The following MACROD2 variants were observed in gnomAD, a reference collection of about 807,000 sequenced individuals.
MACROD2 encodes mono-ADP ribosylhydrolase 2.
Under a neutral mutation model 70.4 loss-of-function variants are expected in MACROD2, and 36 were observed. The ratio of observed to expected loss-of-function variants is 0.51; its 90% CI spans 0.39 to 0.68. MACROD2 has a LOEUF of 0.68. Among genes scored for constraint, MACROD2 ranks in the 30% least tolerant of loss-of-function variants. The pLI is 0.00. For missense variants in MACROD2, 496 were observed against 538.4 expected, an observed-to-expected ratio of 0.92 and a Z score of 0.78; for synonymous variants, 172 against 178.8, an observed-to-expected ratio of 0.96 and a Z score of 0.30.
At chr20:14,457,281 G>A (rs911698366) in intron 3 of MACROD2, among the ~76,000 whole-genome samples, 2 of 151,944 alleles carry the variant, frequency 1.3e-5, no homozygotes, top group South Asian at 2.1e-4. Flanking sequence ...AATGATGATC[G>A]CTTTATTAAT....
chr20:14,825,152 T>C (rs1181476276), intron 5 of MACROD2, among the ~76,000 whole-genome samples: 1 of 152,092 alleles, frequency 6.6e-6, no homozygotes, highest in African/African-American at 2.4e-5. Flanking sequence ...AATAAAAGAC[T>C]TACCACCCGA....
chr20:15,727,125 C>T (rs2050875133), intron 8 of MACROD2, among the ~76,000 whole-genome samples: 1 of 152,020 alleles, frequency 6.6e-6, no homozygotes, highest in Admixed American at 6.6e-5. Context: ...TTTGTATATG[C>T]TATAAGGAAG....
intron 5 of MACROD2, among the ~76,000 whole-genome samples, chr20:14,759,424 A>AT (rs1315486873): frequency 6.6e-6 from 1 of 152,096 alleles, no homozygotes; most frequent in Non-Finnish European, 1.5e-5. Flanking sequence ...GCATAACAAT[A>AT]TCACATTATG....
chr20:15,388,639 C>A (rs898913010), intron 6 of MACROD2, among the ~76,000 whole-genome samples: 5 of 152,040 alleles, frequency 3.3e-5, no homozygotes, highest in African/African-American at 9.7e-5. Context: ...CCCTAATTAC[C>A]AAGCACCAGA....
chr20:14,132,161 T>TCAG (rs2054727530), intron 3 of MACROD2, among the ~76,000 whole-genome samples: 3 of 142,086 alleles, frequency 2.1e-5, no homozygotes, highest in Admixed American at 7.0e-5. Context: ...TTCTCCCACC[T>TCAG]CAGCCTCCAG....
intron 6 of MACROD2, among the ~76,000 whole-genome samples, chr20:15,388,818 G>A (rs937714688): frequency 5.3e-5 from 8 of 152,278 alleles, no homozygotes; most frequent in Non-Finnish European, 7.4e-5. Flanking sequence ...TGTGTAAAGT[G>A]AGAGAGAATT....
intron 3 of MACROD2, among the ~76,000 whole-genome samples, chr20:14,290,514 T>C (rs1294085383): frequency 6.6e-6 from 1 of 151,556 alleles, no homozygotes; most frequent in African/African-American, 2.4e-5. Context: ...TGTATTTTTT[T>C]TTTTTTTTTT....
At chr20:15,507,284 TTCTG>T (rs1406486172) in intron 8 of MACROD2, among the ~76,000 whole-genome samples, 1 of 151,710 alleles carries the variant, frequency 6.6e-6, no homozygotes, top group African/African-American at 2.4e-5. Context: ...CCTCCTTTCC[TTCTG>T]TCTCCCTCCC....
intron 5 of MACROD2, among the ~76,000 whole-genome samples, chr20:15,090,858 A>T (rs769786371): frequency 3.1e-4 from 47 of 152,114 alleles, no homozygotes; most frequent in Non-Finnish European, 1.5e-4. Flanking sequence ...TCTGTGCCCC[A>T]TCCATACCCT....
At chr20:14,242,814 T>G (rs1055471236) in intron 3 of MACROD2, among the ~76,000 whole-genome samples, 2 of 152,172 alleles carry the variant, frequency 1.3e-5, no homozygotes, top group African/African-American at 4.8e-5. Context: ...AAACACGAGC[T>G]TATACAGTTT....
intron 6 of MACROD2, among the ~76,000 whole-genome samples, chr20:15,313,818 A>G (rs55718144): frequency 0.15 from 22,170 of 152,182 alleles, 1,787 homozygotes; most frequent in Middle Eastern, 0.22. Context: ...GCATTTTTCC[A>G]ACCAAAAACG....
chr20:15,373,526 TC>T (rs2045521422), intron 6 of MACROD2, among the ~76,000 whole-genome samples: 1 of 152,170 alleles, frequency 6.6e-6, no homozygotes, highest in African/African-American at 2.4e-5. Flanking sequence ...AGCCTCAGCT[TC>T]CCAAGTAGCT....
chr20:14,997,813 G>A (rs983930980), intron 5 of MACROD2, among the ~76,000 whole-genome samples: 10 of 152,110 alleles, frequency 6.6e-5, no homozygotes, highest in South Asian at 2.1e-4. Context: ...TGCTGGCCTC[G>A]GGTCTCACCC....
intron 8 of MACROD2, among the ~76,000 whole-genome samples, chr20:15,727,607 A>G (rs2050884242): frequency 6.6e-6 from 1 of 151,898 alleles, no homozygotes; most frequent in Admixed American, 6.6e-5. Flanking sequence ...GTTGTCTCTG[A>G]TTTCTTTGAG....
intron 3 of MACROD2, among the ~76,000 whole-genome samples, chr20:14,144,539 G>A (rs1019789623): frequency 6.6e-6 from 1 of 152,160 alleles, no homozygotes; most frequent in African/African-American, 2.4e-5. Context: ...ACTGGGGTGA[G>A]ATATTGGCCA....
chr20:15,645,634 G>A (rs985516323), intron 8 of MACROD2, among the ~76,000 whole-genome samples: 3 of 152,102 alleles, frequency 2.0e-5, no homozygotes, highest in East Asian at 1.9e-4. Context: ...TATTGTTATC[G>A]GGGTAAAATA....
chr20:15,585,781 A>G (rs1296140795), intron 8 of MACROD2, among the ~76,000 whole-genome samples: 3 of 145,834 alleles, frequency 2.1e-5, no homozygotes, highest in African/African-American at 7.7e-5. Context: ...TTTTTTTTTA[A>G]TTCACACTTC....
intron 3 of MACROD2, among the ~76,000 whole-genome samples, chr20:14,402,918 A>G (rs1464265732): frequency 2.0e-5 from 3 of 152,196 alleles, no homozygotes; most frequent in Admixed American, 2.0e-4. Context: ...GACAGAAGGC[A>G]GCTACTTGCA....
intron 6 of MACROD2, among the ~76,000 whole-genome samples, chr20:15,351,457 T>C (rs1345345133): frequency 6.6e-6 from 1 of 152,202 alleles, no homozygotes; most frequent in African/African-American, 2.4e-5. Context: ...TACCTCTGTG[T>C]GTTGTTACAT....
Sources: gnomAD v4.1 joint callset for allele counts (sites outside exome capture counted in the v4.1 genomes callset) on GRCh38, gnomAD v4.1.1 for gene constraint, MANE v1.5 for transcripts, NCBI Gene and HGNC (gene_info 2026-07-23, HGNC 2026-07-21) for gene names.